IFI44L: variants seen among roughly 807,000 people sequenced by gnomAD.
IFI44L encodes interferon induced protein 44 like.
IFI44L carries 40 observed loss-of-function variants against 39.3 expected under a neutral mutation model. The observed-to-expected ratio is 1.02, with a 90% confidence interval of 0.79 to 1.33. The LOEUF (loss-of-function observed/expected upper bound fraction) is 1.33, where lower values mean the gene tolerates loss of function less well. IFI44L is among the 40% of genes most tolerant of loss of function. IFI44L has a pLI of 0.00. For missense variants in IFI44L, 623 were observed against 549.0 expected (o/e 1.13, Z -1.35); for synonymous variants, 198 against 182.3 (o/e 1.09, Z -0.69).
chr1:78,641,412 C>CT, intron 7 of IFI44L, 23 bp from the exon 8 acceptor site: 1 of 1,602,090 alleles, frequency 6.2e-7, no homozygotes, highest in Non-Finnish European at 8.5e-7. Context: ...AGGACTTACA[C>CT]TTTTTAAATA....
chr1:78,639,014 C>A (rs1287553400), intron 6 of IFI44L, among the ~76,000 whole-genome samples: 1 of 151,992 alleles, frequency 6.6e-6, no homozygotes, highest in Non-Finnish European at 1.5e-5. Flanking sequence ...TGTTTGACAC[C>A]CTTGGAGAAA....
At chr1:78,622,939 T>G (rs117839760) in intron 1 of IFI44L, among the ~76,000 whole-genome samples, 1 of 152,358 alleles carries the variant, frequency 6.6e-6, no homozygotes, top group East Asian at 1.9e-4. Context: ...TGAAAAATTC[T>G]GAAGCAGAGA....
chr1:78,629,758 G>A lies in IFI44L; in HGVS notation c.566G>A (p.Arg189Lys), dbSNP rs961556348. 5 of 1,613,524 alleles carry A rather than the reference G, an allele frequency of 3.1e-6. No individual in the cohort carries two copies. The highest frequency in any genetic ancestry group is 1.7e-5 in the Admixed American group (1 of 59,950). Residue 189 changes from arginine to lysine, a missense_variant, in exon 4 of 9, where the codon AGG becomes AAG. Arg to Lys is a conservative substitution (Grantham distance 26, BLOSUM62 2). Transcript: ENST00000370751. The stretch of plus-strand genomic sequence containing the variant: ...CTTCTAGCAGACATCAGAGACTATA[G>A]GCCCTATGCAGACTTGGTTTCAGAA... ...NRLLADIRDYRPYADLVSEIR... is the reference protein window; with the variant it reads ...NRLLADIRDYKPYADLVSEIR...
chr1:78,632,780 A>G (rs1652801675), intron 4 of IFI44L, among the ~76,000 whole-genome samples: 1 of 152,198 alleles, frequency 6.6e-6, no homozygotes, highest in Non-Finnish European at 1.5e-5. Context: ...GCCACATATG[A>G]GATTACAGTT....
chr1:78,624,541 G>A (rs1312495047), intron 1 of IFI44L, among the ~76,000 whole-genome samples: 1 of 152,148 alleles, frequency 6.6e-6, no homozygotes, highest in Non-Finnish European at 1.5e-5. Context: ...TGAGAAGAAT[G>A]TGTATTTTGT....
chr1:78,629,839 C>A lies in IFI44L; in HGVS notation c.647C>A (p.Ser216Ter). 1 of 1,613,760 alleles carries A rather than the reference C, an allele frequency of 6.2e-7. No homozygotes were observed. The change falls in exon 4 of 9, where the codon TCA (serine) becomes TAA (stop). Residue 216 changes from serine to a stop codon, truncating the protein, a stop_gained. Transcript: ENST00000370751. LOFTEE classifies it high-confidence loss of function. Reference protein sequence around the residue: ...VGSGKSSFFNSVKSIFHGHVT... With the variant: ...VGSGKSSFFN ...TCTGGAAAGTCCAGTTTTTTCAATT[C>A]AGTCAAGTCTATTTTTCATGGCCAT...
intron 7 of IFI44L, 41 bp from the exon 8 acceptor site, chr1:78,641,394 T>C: frequency 6.4e-7 from 1 of 1,556,248 alleles, no homozygotes; most frequent in Non-Finnish European, 8.7e-7. Flanking sequence ...ATTTCAAATA[T>C]TAAATACAGG....
At chr1:78,626,102 T>C (rs1405845980) in intron 1 of IFI44L, 1 of 151,948 alleles carries the variant, frequency 6.6e-6, no homozygotes, top group East Asian at 1.9e-4. Context: ...TTTTACTGTA[T>C]CCTTTAATCC....
intron 1 of IFI44L, among the ~76,000 whole-genome samples, chr1:78,623,793 A>C (rs1323516840): frequency 6.6e-6 from 1 of 152,142 alleles, no homozygotes; most frequent in Non-Finnish European, 1.5e-5. Context: ...GAGAACCAGG[A>C]GCTCAGATAT....
chr1:78,641,631 C>G lies in IFI44L; in HGVS notation c.1324+22C>G, dbSNP rs1557691538. On this transcript the variant is annotated intron_variant, in intron 8 of 8. Transcript: ENST00000370751. ...ACTGGTAATCTGGCCCTTTTCTCCC[C>G]CTGTCATAGATCACTGGTGCCTTTT... The G allele has an allele frequency of 8.7e-6, 14 of 1,612,420 alleles. No individual in the cohort carries two copies. The South Asian group carries it at 9.9e-5, about 11-fold the overall frequency.
At chr1:78,635,237 C>T in intron 4 of IFI44L, 100 bp from the exon 5 acceptor site, 3 of 926,220 alleles carry the variant, frequency 3.2e-6, no homozygotes, top group Admixed American at 4.9e-5. Flanking sequence ...GTTTGAGGAC[C>T]ATGGTGTTCA....
At position 78,643,932 on chromosome 1, in the gene IFI44L, G is replaced by T. The variant is rs1647019832; in HGVS notation, c.*2123G>T. 6.6e-6 allele frequency: 1 copy of T among 152,100 alleles called. No individual in the cohort carries two copies. Among genetic ancestry groups the T allele is most frequent in the Non-Finnish European group, 1.5e-5 (1 of 68,016 alleles). 9.4% of individuals were successfully genotyped at this position (152,100 alleles called of 1,614,324 possible). A position where few individuals can be genotyped will look rare whatever the true frequency, so the allele number is the denominator to read the frequency against. On this transcript the variant is annotated 3_prime_UTR_variant, in exon 9 of 9. Transcript: ENST00000370751. ...AGGGAATTGGCTTAAAGGGCAAGTT[G>T]GTTAGTACTTAGCTGTGTTTTTATT...
chr1:78,641,486 G>T lies in IFI44L; in HGVS notation c.1201G>T (p.Val401Phe), dbSNP rs377282285. The T allele has an allele frequency of 6.8e-6, 11 of 1,613,372 alleles. No homozygotes were observed. In the African/African-American group the frequency reaches 1.5e-4, roughly 22 times the overall value. The change falls in exon 8 of 9, where the codon GTT (valine) becomes TTT (phenylalanine). Residue 401 changes from valine to phenylalanine, a missense_variant. Transcript: ENST00000370751. ...CATTCCTATTTCCAATATTTTGATG[G>T]TTGGAAATTATGCTTCAGATTTGGA... The part of the protein sequence containing the change: ...LGIPISNILM[V>F]GNYASDLELD...
intron 4 of IFI44L, among the ~76,000 whole-genome samples, chr1:78,632,237 AG>A (rs1652776281): frequency 6.6e-6 from 1 of 152,168 alleles, no homozygotes; most frequent in Non-Finnish European, 1.5e-5. Flanking sequence ...CTACTAATAA[AG>A]AACAAAAACA....
At chr1:78,624,100 T>C (rs187370154) in intron 1 of IFI44L, among the ~76,000 whole-genome samples, 1 of 152,238 alleles carries the variant, frequency 6.6e-6, no homozygotes, top group Admixed American at 6.5e-5. Flanking sequence ...CAAGCGATTC[T>C]CCTACTTCAG....
rs2100412748 is a variant in IFI44L, at chr1:78,645,553, T to C, written c.*3744T>C. Reference sequence around the variant, plus strand: ...CAAGTAAGCCCCATATGCTTAATGATCAGCTGATGAATAATCATCTCCTAG... The same window carrying C: ...CAAGTAAGCCCCATATGCTTAATGACCAGCTGATGAATAATCATCTCCTAG... On this transcript the variant is annotated 3_prime_UTR_variant, in exon 9 of 9. Transcript: ENST00000370751. The C allele has an allele frequency of 6.6e-6, 1 of 152,324 alleles. No individual in the cohort carries two copies. Among genetic ancestry groups the C allele is most frequent in the East Asian group, 1.9e-4 (1 of 5,188 alleles). 9.4% of individuals were successfully genotyped at this position (152,324 alleles called of 1,614,324 possible).
At position 78,641,103 on chromosome 1, in the gene IFI44L, T is replaced by C; in HGVS notation, c.1131T>C (p.Ser377=). Residue 377 remains serine, a synonymous_variant, in exon 7 of 9, where the codon TCT becomes TCC. Coordinates refer to ENST00000370751, the MANE Select transcript of IFI44L (RefSeq NM_006820.4). ...ACAACTTTTTAAACATGAGTAGATC[T>C]ATGACTTCTCAAAGCCGGGTAAAAA... ...LQDNFLNMSR[S]MTSQSRVMNV... 1 of 1,608,848 alleles carries C rather than the reference T, an allele frequency of 6.2e-7. No homozygotes were observed. The highest frequency in any genetic ancestry group is 8.5e-7 in the Non-Finnish European group (1 of 1,177,568).
At chr1:78,634,030 TA>T (rs1216699815) in intron 4 of IFI44L, among the ~76,000 whole-genome samples, 1 of 151,074 alleles carries the variant, frequency 6.6e-6, no homozygotes, top group Non-Finnish European at 1.5e-5. Flanking sequence ...AGATAGAGAA[TA>T]AAAAAACAGA....
In IFI44L at chr1:78,641,357, T is replaced by C; in HGVS notation, c.1150-78T>C. On this transcript the variant is annotated intron_variant, in intron 7 of 8. Coordinates refer to ENST00000370751, the MANE Select transcript of IFI44L (RefSeq NM_006820.4). The stretch of plus-strand genomic sequence containing the variant: ...TAAGCCATTGCTTTTTTGGTTTCTT[T>C]CTTAAATTGTATTTAAAATTGGTCA... The C allele has an allele frequency of 2.2e-6, 3 of 1,373,282 alleles. No homozygotes were observed. In the East Asian group the frequency reaches 7.0e-5, roughly 32 times the overall value. The allele number at this position is 1,373,282 out of a possible 1,614,324, so 85.1% of individuals were successfully genotyped here.
Sources: gnomAD v4.1 joint callset for allele counts (sites outside exome capture counted in the v4.1 genomes callset) on GRCh38, gnomAD v4.1.1 for gene constraint, MANE v1.5 for transcripts, NCBI Gene and HGNC (gene_info 2026-07-23, HGNC 2026-07-21) for gene names.